Variants in B4GALT4 observed in about 807,000 individuals in gnomAD.
B4GALT4 encodes the protein beta-1,4-galactosyltransferase 4.
B4GALT4 carries 27 observed loss-of-function variants against 37.3 expected under a neutral mutation model. That is an observed-to-expected ratio of 0.72 (90% confidence interval 0.53 to 1.00). The LOEUF (loss-of-function observed/expected upper bound fraction) is 1.00, where lower values mean the gene tolerates loss of function less well. B4GALT4 is among the 50% of genes least tolerant of loss of function. The pLI is 0.00. For missense variants in B4GALT4, 372 were observed against 413.1 expected, an observed-to-expected ratio of 0.90 and a Z score of 0.86; for synonymous variants, 148 against 154.1, an observed-to-expected ratio of 0.96 and a Z score of 0.29.
chr3:119,229,055 A>C (rs1185505604), intron 3 of B4GALT4, among the ~76,000 whole-genome samples: 1 of 152,208 alleles, frequency 6.6e-6, no homozygotes, highest in Non-Finnish European at 1.5e-5. Flanking sequence ...AACATACAAC[A>C]TATTTAAGAA....
intron 5 of B4GALT4, among the ~76,000 whole-genome samples, chr3:119,223,489 G>A (rs2107493294): frequency 6.6e-6 from 1 of 152,322 alleles, no homozygotes; most frequent in South Asian, 2.1e-4. Flanking sequence ...CTTAAGGGTG[G>A]AGGGGATGGG....
At chr3:119,226,000 C>T (rs2078606095) in intron 4 of B4GALT4, among the ~76,000 whole-genome samples, 1 of 152,126 alleles carries the variant, frequency 6.6e-6, no homozygotes, top group African/African-American at 2.4e-5. Flanking sequence ...AGAAATATTA[C>T]CTGTTCTAAC....
intron 3 of B4GALT4, among the ~76,000 whole-genome samples, chr3:119,229,274 G>T (rs1267658829): frequency 2.0e-5 from 3 of 152,148 alleles, no homozygotes; most frequent in African/African-American, 7.2e-5. Flanking sequence ...GAGGCACATG[G>T]GGCAGAGCCA....
chr3:119,218,831 C>G (rs2078365807), intron 5 of B4GALT4, 59 bp from the exon 6 acceptor site: 1 of 1,598,158 alleles, frequency 6.3e-7, no homozygotes, highest in African/African-American at 1.3e-5. Context: ...TCTCTGATTT[C>G]AGGGCTGGCG....
At position 119,218,781 on chromosome 3, in the gene B4GALT4, A is replaced by G; in HGVS notation, c.675-9T>C. ...ATCCACTGTAACGTAACCTGGAGCA[A>G]AAGAGATGAGAGAAATGGTAAGAAT... is the stretch of plus-strand genomic sequence containing the variant. On this transcript the variant is annotated splice_polypyrimidine_tract_variant and intron_variant, in intron 5 of 7. Coordinates refer to ENST00000393765, the MANE Select transcript of B4GALT4 (RefSeq NM_003778.4). 2 of 1,613,944 alleles carry G rather than the reference A, an allele frequency of 1.2e-6. No homozygotes were observed. The highest frequency in any genetic ancestry group is 1.7e-6 in the Non-Finnish European group (2 of 1,179,972).
At chr3:119,234,116 G>GT (rs373341157) in intron 2 of B4GALT4, among the ~76,000 whole-genome samples, 266 of 147,770 alleles carry the variant, frequency 1.8e-3, no homozygotes, top group African/African-American at 2.4e-3. Flanking sequence ...CAGGACACAA[G>GT]TTTTTTTTTT....
chr3:119,224,000 T>A (rs1374740853), intron 5 of B4GALT4, 58 bp downstream of exon 5: 4 of 1,505,556 alleles, frequency 2.7e-6, no homozygotes, highest in Non-Finnish European at 3.6e-6. Flanking sequence ...TTCCACCCAG[T>A]CTTGATCACA....
intron 5 of B4GALT4, among the ~76,000 whole-genome samples, chr3:119,219,899 T>A (rs1042306750): frequency 1.3e-5 from 2 of 152,224 alleles, no homozygotes; most frequent in African/African-American, 4.8e-5. Context: ...ATCTAGAGAA[T>A]TTTTAACTTT....
intron 1 of B4GALT4, among the ~76,000 whole-genome samples, chr3:119,238,753 C>T (rs1222840433): frequency 2.0e-5 from 3 of 152,154 alleles, no homozygotes; most frequent in Non-Finnish European, 4.4e-5. Context: ...GTCAGTCTTG[C>T]AACATATCCC....
chr3:119,236,622 G>A (rs912788835), intron 2 of B4GALT4, among the ~76,000 whole-genome samples: 2 of 152,134 alleles, frequency 1.3e-5, no homozygotes, highest in Non-Finnish European at 2.9e-5. Flanking sequence ...ACTCAATTTA[G>A]TAACAAATGA....
At chr3:119,218,599 AG>A in intron 6 of B4GALT4, 50 bp downstream of exon 6, 1 of 1,611,462 alleles carries the variant, frequency 6.2e-7, no homozygotes, top group Non-Finnish European at 8.5e-7. Flanking sequence ...AGGTCTCCAG[AG>A]CCACACTGAG....
intron 7 of B4GALT4, 45 bp downstream of exon 7, chr3:119,216,195 C>A (rs750222627): frequency 6.9e-7 from 1 of 1,448,982 alleles, no homozygotes; most frequent in Non-Finnish European, 9.5e-7. Flanking sequence ...ATTGACAGAA[C>A]AGACTAGGGA....
intron 3 of B4GALT4, 101 bp downstream of exon 3, chr3:119,229,746 A>G: frequency 8.1e-7 from 1 of 1,238,272 alleles, no homozygotes; most frequent in South Asian, 1.5e-5. Context: ...AGATATATAT[A>G]TTTATGGGGT....
intron 5 of B4GALT4, among the ~76,000 whole-genome samples, chr3:119,223,417 G>A (rs189973798): frequency 3.3e-5 from 5 of 152,292 alleles, no homozygotes; most frequent in East Asian, 3.9e-4. Flanking sequence ...CACTATTCCC[G>A]CTTGGTTGTG....
Position 119,224,086 on chromosome 3 carries a change from C to A in B4GALT4, c.646G>T (p.Val216Leu). The change falls in exon 5 of 8, where the codon GTG becomes TTG. Residue 216 changes from valine (V) to leucine (L), a missense_variant. Transcript: ENST00000393765. ...YKCEEHPKHL[V>L]VGRNSTGYRL... ...TACCCAGTGCTGTTCCTGCCAACCA[C>A]CAGATGCTTGGGATGCTCCTCACAC... 6.2e-7 allele frequency: 1 copy of A among 1,613,772 alleles called. No homozygotes were observed. The highest frequency in any genetic ancestry group is 8.5e-7 in the Non-Finnish European group (1 of 1,179,886).
chr3:119,240,575 C>T (rs1442145096), intron 1 of B4GALT4: 1 of 152,276 alleles, frequency 6.6e-6, no homozygotes, highest in East Asian at 1.9e-4. Context: ...CCGGCAGCAC[C>T]TCGTCTGGCT....
intron 1 of B4GALT4, among the ~76,000 whole-genome samples, chr3:119,237,912 TAC>T (rs2079030652): frequency 6.6e-6 from 1 of 152,156 alleles, no homozygotes; most frequent in Non-Finnish European, 1.5e-5. Context: ...TTAAAATGTT[TAC>T]AATAACTACA....
intron 4 of B4GALT4, among the ~76,000 whole-genome samples, chr3:119,226,103 C>T (rs9881379): frequency 0.11 from 16,500 of 150,990 alleles, 1,027 homozygotes; most frequent in East Asian, 0.24. Context: ...CCAAGGATAA[C>T]TGTGAAAAGT....
intron 4 of B4GALT4, among the ~76,000 whole-genome samples, chr3:119,224,599 T>A (rs535046063): frequency 1.3e-5 from 2 of 152,240 alleles, no homozygotes; most frequent in Non-Finnish European, 2.9e-5. Context: ...TATGCATAGA[T>A]ACATTGCATG....
Sources: gnomAD v4.1 joint callset for allele counts (sites outside exome capture counted in the v4.1 genomes callset) on GRCh38, gnomAD v4.1.1 for gene constraint, MANE v1.5 for transcripts, NCBI Gene and HGNC (gene_info 2026-07-23, HGNC 2026-07-21) for gene names.